Variants in MGAT4C observed in about 807,000 individuals in gnomAD.
The protein encoded by MGAT4C is MGAT4 family member C.
A neutral mutation model predicts 40.1 loss-of-function variants in MGAT4C; 19 were observed. That is an observed-to-expected ratio of 0.47 (90% CI 0.33 to 0.70). MGAT4C has a LOEUF of 0.70. MGAT4C is among the 30% of genes least tolerant of loss of function. The pLI, the probability that MGAT4C is intolerant of heterozygous loss-of-function variation, is 0.02. For synonymous variants in MGAT4C, 181 were observed against 187.1 expected (o/e 0.97, Z 0.27); for missense variants, 491 against 563.2 (o/e 0.87, Z 1.30).
At chr12:86,746,547 A>T (rs974248382) in intron 1 of MGAT4C, among the ~76,000 whole-genome samples, 4 of 151,724 alleles carry the variant, frequency 2.6e-5, no homozygotes, top group African/African-American at 9.7e-5. Flanking sequence ...TGTTCCTGAG[A>T]AGGCTGGAGA....
chr12:86,456,053 A>G (rs182525229), intron 2 of MGAT4C, among the ~76,000 whole-genome samples: 113 of 152,286 alleles, frequency 7.4e-4, no homozygotes, highest in African/African-American at 2.4e-3. Flanking sequence ...TTAGCATGAG[A>G]AAGTGTTTTA....
At chr12:86,291,797 A>G (rs1259793481) in intron 4 of MGAT4C, among the ~76,000 whole-genome samples, 1 of 134,376 alleles carries the variant, frequency 7.4e-6, no homozygotes, top group Non-Finnish European at 1.6e-5. Context: ...CAATTAGCCA[A>G]AGATTCCGGA....
chr12:86,595,977 C>T (rs1298408358), intron 2 of MGAT4C, among the ~76,000 whole-genome samples: 1 of 152,102 alleles, frequency 6.6e-6, no homozygotes, highest in Non-Finnish European at 1.5e-5. Context: ...CCCGTCCCCC[C>T]TTGAAAGGGT....
intron 4 of MGAT4C, among the ~76,000 whole-genome samples, chr12:86,286,887 C>G (rs567396950): frequency 6.6e-6 from 1 of 152,118 alleles, no homozygotes; most frequent in Non-Finnish European, 1.5e-5. Context: ...TGGCCTCCAG[C>G]TCTATCCATG....
At chr12:86,017,203 A>AGT (rs754023305) in intron 2 of MGAT4C, among the ~76,000 whole-genome samples, 2 of 151,860 alleles carry the variant, frequency 1.3e-5, no homozygotes, top group South Asian at 2.1e-4. Flanking sequence ...CTGTGGTTTG[A>AGT]GTGTGTGTGT....
chr12:86,364,274 A>G (rs1184782414), intron 3 of MGAT4C, among the ~76,000 whole-genome samples: 2 of 152,158 alleles, frequency 1.3e-5, no homozygotes, highest in Non-Finnish European at 2.9e-5. Context: ...TAAAAAGCAC[A>G]GAACAATATC....
At chr12:86,018,218 C>G (rs1889286989) in intron 2 of MGAT4C, among the ~76,000 whole-genome samples, 1 of 152,082 alleles carries the variant, frequency 6.6e-6, no homozygotes. Flanking sequence ...CAAAATTCTA[C>G]CCATCTAAAT....
intron 1 of MGAT4C, among the ~76,000 whole-genome samples, chr12:86,174,160 G>C (rs976261576): frequency 1.9e-5 from 2 of 105,508 alleles, no homozygotes; most frequent in Non-Finnish European, 4.2e-5. Flanking sequence ...CACACACACA[G>C]AATAAAAAAC....
intron 3 of MGAT4C, among the ~76,000 whole-genome samples, chr12:86,379,105 C>A (rs1433432523): frequency 1.3e-5 from 2 of 151,952 alleles, no homozygotes; most frequent in Admixed American, 1.3e-4. Context: ...AGTAGTATAA[C>A]CTTAAGGTTC....
In MGAT4C at chr12:86,622,272, T is replaced by C. The variant is rs542627985; in HGVS notation, c.-229+104937A>G. On this transcript the variant is annotated intron_variant, in intron 2 of 7. Coordinates refer to the MGAT4C transcript ENST00000548651. ...GATCAATGCAGGAATCCAAGGAGTA[T>C]AGGCAGCAAAAGTCTTCAGGAAAGA... Among the ~76,000 whole-genome samples, 8 of 152,134 alleles carry C rather than the reference T, an allele frequency of 5.3e-5. No individual in the cohort carries two copies. In the East Asian group the frequency reaches 1.6e-3, roughly 30 times the overall value.
chr12:86,826,664 G>A (rs888592549), intron 1 of MGAT4C, among the ~76,000 whole-genome samples: 1 of 151,204 alleles, frequency 6.6e-6, no homozygotes, highest in African/African-American at 2.4e-5. Flanking sequence ...TGGTTCGTTG[G>A]GGGTAGGCAT....
rs185360197 is a variant in MGAT4C at position 86,674,886 on chromosome 12, G to T, written c.-229+52323C>A. Among the ~76,000 whole-genome samples the T allele has an allele frequency of 2.0e-5, 3 of 151,970 alleles. No individual in the cohort carries two copies. In the East Asian group the frequency reaches 5.8e-4, roughly 29 times the overall value. ...ACTGAATCTCTTGTTTATTTAATTC[G>T]TATCAGTTGAAGTATTTACTCTGCA... On this transcript the variant is annotated intron_variant, in intron 2 of 7. Coordinates refer to the MGAT4C transcript ENST00000548651.
At chr12:86,100,379 TA>T (rs1221681220) in intron 1 of MGAT4C, among the ~76,000 whole-genome samples, 1 of 151,516 alleles carries the variant, frequency 6.6e-6, no homozygotes, top group Admixed American at 6.6e-5. Context: ...CTGCTCTTCT[TA>T]AAGTTACCAT....
At chr12:86,766,166 G>T (rs1181396801) in intron 1 of MGAT4C, among the ~76,000 whole-genome samples, 3 of 152,074 alleles carry the variant, frequency 2.0e-5, no homozygotes, top group Non-Finnish European at 2.9e-5. Flanking sequence ...TAAAAGGATG[G>T]AGGAAGATCA....
chr12:86,019,282 C>T (rs1049166227), intron 2 of MGAT4C, among the ~76,000 whole-genome samples: 2 of 152,008 alleles, frequency 1.3e-5, no homozygotes, highest in South Asian at 2.1e-4. Flanking sequence ...AGAATATATT[C>T]GTGATTATTC....
At chr12:86,082,477 G>A (rs1502800) in intron 1 of MGAT4C, among the ~76,000 whole-genome samples, 86,636 of 151,930 alleles carry the variant, frequency 0.57, 25,554 homozygotes, top group East Asian at 0.92. Context: ...ACAATCTGGA[G>A]CATATCTTTT....
At chr12:86,389,951 T>C (rs373056201) in intron 3 of MGAT4C, among the ~76,000 whole-genome samples, 85 of 152,342 alleles carry the variant, frequency 5.6e-4, no homozygotes, top group African/African-American at 2.0e-3. Flanking sequence ...CAGAAAAGTA[T>C]AGAAGTCTTA....
At chr12:86,709,662 C>T (rs773882590) in intron 2 of MGAT4C, among the ~76,000 whole-genome samples, 17 of 152,132 alleles carry the variant, frequency 1.1e-4, no homozygotes, top group Non-Finnish European at 2.5e-4. Context: ...GATCCCCCCA[C>T]CTTGGCCTCT....
chr12:86,532,320 G>T (rs1958999500), intron 2 of MGAT4C, among the ~76,000 whole-genome samples: 1 of 151,906 alleles, frequency 6.6e-6, no homozygotes, highest in Non-Finnish European at 1.5e-5. Context: ...ATTATTGTTA[G>T]ATCTAAGAAA....
Sources: allele counts gnomAD v4.1 joint callset (sites outside exome capture counted in the v4.1 genomes callset), GRCh38; gene constraint gnomAD v4.1.1; transcripts MANE v1.5; gene names NCBI Gene and HGNC (gene_info 2026-07-23, HGNC 2026-07-21).